Variants in GSE1 observed in about 807,000 individuals in gnomAD.
GSE1 encodes genetic suppressor element 1.
A neutral mutation model predicts 112.6 loss-of-function variants in GSE1; 32 were observed. The observed-to-expected ratio is 0.28, with a 90% confidence interval of 0.21 to 0.38. The LOEUF (loss-of-function observed/expected upper bound fraction) is 0.38, where lower values mean the gene tolerates loss of function less well. Ranked by LOEUF, GSE1 falls within the 10% of genes least tolerant of loss-of-function variation. GSE1 has a pLI of 1.00. For synonymous variants in GSE1, 1,115 were observed against 735.6 expected (o/e 1.52, Z -8.35); for missense variants, 2,348 against 1,699.2 (o/e 1.38, Z -6.71).
chr16:85,334,702 A>T (rs567193743), intron 1 of GSE1, among the ~76,000 whole-genome samples: 2 of 152,214 alleles, frequency 1.3e-5, no homozygotes, highest in South Asian at 4.1e-4. Context: ...GGGGCTCAAG[A>T]CCCACCACCC....
At chr16:85,622,697 G>A (rs1037888687) in intron 1 of GSE1, among the ~76,000 whole-genome samples, 3 of 152,230 alleles carry the variant, frequency 2.0e-5, no homozygotes, top group African/African-American at 7.2e-5. Context: ...TCCTGACTTG[G>A]TGAGCTTGCT....
At chr16:85,249,735 G>A (rs1765719222) in intron 1 of GSE1, among the ~76,000 whole-genome samples, 1 of 152,214 alleles carries the variant, frequency 6.6e-6, no homozygotes, top group South Asian at 2.1e-4. Context: ...TGTTCTGGTA[G>A]CCCTGAGGGC....
At chr16:85,604,286 T>C (rs548052256) in intron 1 of GSE1, among the ~76,000 whole-genome samples, 3 of 152,300 alleles carry the variant, frequency 2.0e-5, no homozygotes, top group African/African-American at 7.2e-5. Flanking sequence ...GCTTCTTCCA[T>C]CCAGCATCGT....
intron 1 of GSE1, among the ~76,000 whole-genome samples, chr16:85,626,904 G>C (rs1263456194): frequency 6.6e-6 from 1 of 151,978 alleles, no homozygotes; most frequent in Non-Finnish European, 1.5e-5. Flanking sequence ...TCCTGCTGTT[G>C]GAGCGTTTGG....
chr16:85,653,382 C>T (rs576072546), intron 3 of GSE1, among the ~76,000 whole-genome samples: 25 of 141,328 alleles, frequency 1.8e-4, no homozygotes, highest in South Asian at 4.9e-4. Context: ...CTGGTTTCTC[C>T]GGGCTGGACC....
At chr16:85,401,245 C>T (rs369587723) in intron 2 of GSE1, among the ~76,000 whole-genome samples, 1 of 152,010 alleles carries the variant, frequency 6.6e-6, no homozygotes, top group South Asian at 2.1e-4. Flanking sequence ...CTCCCTGATA[C>T]GTTTACAACC....
At chr16:85,626,168 GC>G (rs1181936816) in intron 1 of GSE1, among the ~76,000 whole-genome samples, 3 of 152,094 alleles carry the variant, frequency 2.0e-5, no homozygotes, top group African/African-American at 7.2e-5. Context: ...CAAGCAGGCT[GC>G]CCCCATGTGT....
At chr16:85,321,819 TCTGCCTG>T (rs973230502) in intron 1 of GSE1, among the ~76,000 whole-genome samples, 12 of 151,322 alleles carry the variant, frequency 7.9e-5, no homozygotes, top group African/African-American at 2.7e-4. Flanking sequence ...AAAAAAAAGT[TCTGCCTG>T]TAACTGACGG....
At chr16:85,586,906 C>T (rs945144554) in intron 1 of GSE1, among the ~76,000 whole-genome samples, 2 of 152,242 alleles carry the variant, frequency 1.3e-5, no homozygotes, top group African/African-American at 4.8e-5. Flanking sequence ...CAGCATGCAG[C>T]GCGAGAGGAG....
chr16:85,310,393 CGTT>C (rs2045804910), intron 1 of GSE1, among the ~76,000 whole-genome samples: 1 of 152,182 alleles, frequency 6.6e-6, no homozygotes, highest in Non-Finnish European at 1.5e-5. Context: ...ATTAAGCTGT[CGTT>C]CTCATTAATG....
chr16:85,668,299 T>G lies in GSE1; in HGVS notation c.3290T>G (p.Leu1097Trp). The G allele has an allele frequency of 1.2e-6, 2 of 1,613,006 alleles. No homozygotes were observed. The highest frequency in any genetic ancestry group is 1.7e-6 in the Non-Finnish European group (2 of 1,179,254). ...AGGAAGGGCCCCCCAACCCAGGAGT[T>G]GGACCGGGACTCGGAGGAGGAGGAA... Reference protein sequence around the residue: ...TARKGPPTQELDRDSEEEEEE... With the variant: ...TARKGPPTQEWDRDSEEEEEE... The change falls in exon 14 of 16, where the codon TTG becomes TGG. Residue 1097 changes from leucine to tryptophan, a missense_variant. Leu to Trp is a moderately conservative substitution (Grantham distance 61). Coordinates refer to ENST00000253458, the MANE Select transcript of GSE1 (RefSeq NM_014615.5).
intron 1 of GSE1, among the ~76,000 whole-genome samples, chr16:85,582,449 G>A (rs2046489957): frequency 6.6e-6 from 1 of 152,136 alleles, no homozygotes. Context: ...GGCCTTTTTG[G>A]GGACTGGCCA....
At chr16:85,188,144 C>T (rs992955491) in intron 1 of GSE1, among the ~76,000 whole-genome samples, 1 of 152,184 alleles carries the variant, frequency 6.6e-6, no homozygotes, top group Non-Finnish European at 1.5e-5. Context: ...ACCTGGGATC[C>T]AGGCTCCCTC....
chr16:85,246,889 T>C (rs1220641375), intron 1 of GSE1, among the ~76,000 whole-genome samples: 2 of 152,126 alleles, frequency 1.3e-5, no homozygotes, highest in African/African-American at 4.8e-5. Context: ...CCCCACACCA[T>C]AGCCCAGGGG....
In GSE1 at chr16:85,590,327, AGTGT is replaced by A. The variant is rs377069631; in HGVS notation, c.37+33970_37+33973del. ...ACGCATGGGCCCATGTGTGAATGTG[AGTGT>A]GTGTGATTAACGCGTGGGCCTGCTT... is the stretch of plus-strand genomic sequence containing the variant. On this transcript the variant is annotated intron_variant, in intron 1 of 2. Coordinates refer to the GSE1 transcript ENST00000635906. Among the ~76,000 whole-genome samples, 1,077 of 136,556 alleles carry A rather than the reference AGTGT, an allele frequency of 7.9e-3. 10 individuals are homozygous for A. The highest frequency in any genetic ancestry group is 0.029 in the African/African-American group (1,012 of 34,598). The allele number at this position is 136,556 out of a possible 152,430, so 89.6% of individuals were successfully genotyped here.
chr16:85,276,809 C>A (rs1181136675), intron 1 of GSE1, among the ~76,000 whole-genome samples: 1 of 152,188 alleles, frequency 6.6e-6, no homozygotes, highest in Non-Finnish European at 1.5e-5. Flanking sequence ...CTCGGCCCCA[C>A]CCAGGCCCCC....
chr16:85,423,043 A>G (rs2048887371), intron 2 of GSE1, among the ~76,000 whole-genome samples: 1 of 152,194 alleles, frequency 6.6e-6, no homozygotes, highest in Non-Finnish European at 1.5e-5. Context: ...CTGCCCAAGG[A>G]GGCATTGAGG....
chr16:85,337,479 G>A (rs1463029840), intron 1 of GSE1, among the ~76,000 whole-genome samples: 1 of 151,628 alleles, frequency 6.6e-6, no homozygotes, highest in Non-Finnish European at 1.5e-5. Context: ...CTAATTTTTT[G>A]TATTTTTAGT....
chr16:85,348,001 CT>C (rs1457347778), intron 1 of GSE1, among the ~76,000 whole-genome samples: 1 of 152,182 alleles, frequency 6.6e-6, no homozygotes, highest in East Asian at 1.9e-4. Context: ...TTCTTCTACT[CT>C]TTATGTAGCA....
Sources: allele counts gnomAD v4.1 joint callset (sites outside exome capture counted in the v4.1 genomes callset), GRCh38; gene constraint gnomAD v4.1.1; transcripts MANE v1.5; gene names NCBI Gene and HGNC (gene_info 2026-07-23, HGNC 2026-07-21).